Variants in INTS6 observed in about 807,000 individuals in gnomAD.
INTS6 encodes integrator complex subunit 6.
In INTS6, 16 loss-of-function variants were observed where a neutral mutation model predicts 104.9. The ratio of observed to expected loss-of-function variants is 0.15; its 90% CI spans 0.10 to 0.23. The LOEUF (loss-of-function observed/expected upper bound fraction) is 0.23, where lower values mean the gene tolerates loss of function less well. INTS6 is among the 10% of genes least tolerant of loss of function. The probability of loss-of-function intolerance (pLI) is 1.00; values close to 1 mark genes in which losing one functional copy is unlikely to be tolerated. For synonymous variants in INTS6, 324 were observed against 358.7 expected (o/e 0.90, Z 1.09); for missense variants, 584 against 1,062.8 (o/e 0.55, Z 6.26).
chr13:51,415,146 T>G (rs974263339), intron 4 of INTS6, among the ~76,000 whole-genome samples: 4 of 151,654 alleles, frequency 2.6e-5, no homozygotes, highest in African/African-American at 4.8e-5. Flanking sequence ...AAGGAAAGGA[T>G]GTACTAAATG....
At chr13:51,341,079 C>G in the INTS6 span, 5 of 1,611,706 alleles carry the variant, frequency 3.1e-6, no homozygotes, top group Non-Finnish European at 4.2e-6. Context: ...TTGCAGGAAC[C>G]CTCCCAGCCT....
Position 51,374,400 on chromosome 13 carries a change from G to A in INTS6, c.1912C>T (p.Pro638Ser). Residue 638 changes from proline to serine, a missense_variant, in exon 15 of 18, where the codon CCT becomes TCT. Coordinates refer to ENST00000311234, the MANE Select transcript of INTS6 (RefSeq NM_012141.3). ...CCGGGTCGTTTATGTTTATTTTGAG[G>A]TCCAGCCACAAATTCATCTGCTTCA... ...IDEADEFVAG[P>S]QNKHKRPGEP... 6.2e-7 allele frequency: 1 copy of A among 1,613,340 alleles called. No individual in the cohort carries two copies.
At chr13:51,448,590 G>C (rs1952970997) in intron 3 of INTS6, 1 of 152,108 alleles carries the variant, frequency 6.6e-6, no homozygotes. Context: ...ATGCAATATA[G>C]ATTTAATAGT....
intron 4 of INTS6, among the ~76,000 whole-genome samples, chr13:51,406,405 T>A (rs79210906): frequency 1.6e-5 from 2 of 122,316 alleles, no homozygotes; most frequent in East Asian, 5.0e-4. Flanking sequence ...CTCAGTAAAA[T>A]GGCATCATTT....
At chr13:51,419,173 C>CT (rs1055241410) in intron 4 of INTS6, among the ~76,000 whole-genome samples, 1 of 152,162 alleles carries the variant, frequency 6.6e-6, no homozygotes, top group Non-Finnish European at 1.5e-5. Context: ...ATCATGTCCT[C>CT]TTTTATGAGG....
chr13:51,349,807 C>A (rs770721266), downstream of INTS6, among the ~76,000 whole-genome samples: 1 of 152,176 alleles, frequency 6.6e-6, no homozygotes, highest in Non-Finnish European at 1.5e-5. Flanking sequence ...TAGCACTTAA[C>A]CTCATTCTGA....
At chr13:51,430,166 G>A in intron 4 of INTS6, 128 bp downstream of exon 4, 2 of 715,332 alleles carry the variant, frequency 2.8e-6, no homozygotes, top group Non-Finnish European at 4.7e-6. Flanking sequence ...TGGGCCATAG[G>A]AGACAGATGA....
rs1955650696 is a variant in INTS6, at chr13:51,364,614, A to G, written c.*1138T>C. 5.0e-6 allele frequency: 1 copy of G among 200,842 alleles called. No individual in the cohort carries two copies. The highest frequency in any genetic ancestry group is 2.3e-5 in the African/African-American group (1 of 43,344). 12.4% of individuals were successfully genotyped at this position (200,842 alleles called of 1,614,324 possible). ...AGGCCATGTTGAATTGAGGGTGGAG[A>G]ATGAATAGCGTGGTTTTCCTTATCC... On this transcript the variant is annotated 3_prime_UTR_variant, in exon 18 of 18. Transcript: ENST00000311234.
downstream of INTS6, chr13:51,361,282 A>G (rs1313675435): frequency 1.2e-6 from 2 of 1,607,000 alleles, no homozygotes; most frequent in Non-Finnish European, 8.5e-7. Context: ...GGTTAGGCCA[A>G]GATGGCTTTT....
At position 51,364,709 on chromosome 13, in the gene INTS6, A is replaced by G. The variant is rs1190085318; in HGVS notation, c.*1043T>C. ...GGTGTTTCCTTTCCATTTAGCTTATAAATAAAACAGAGTTTAAGTGTGAGA... is the reference window on the plus strand; with the variant it reads ...GGTGTTTCCTTTCCATTTAGCTTATGAATAAAACAGAGTTTAAGTGTGAGA... On this transcript the variant is annotated 3_prime_UTR_variant, in exon 18 of 18. Coordinates refer to ENST00000311234, the MANE Select transcript of INTS6 (RefSeq NM_012141.3). 1.3e-5 allele frequency: 2 copies of G among 154,502 alleles called. No individual in the cohort carries two copies. Among genetic ancestry groups the G allele is most frequent in the African/African-American group, 4.8e-5 (2 of 41,502 alleles). The allele number at this position is 154,502 out of a possible 1,614,324, so 9.6% of individuals were successfully genotyped here. A position where few individuals can be genotyped will look rare whatever the true frequency, so the allele number is the denominator to read the frequency against.
intron 7 of INTS6, among the ~76,000 whole-genome samples, chr13:51,385,481 G>T (rs1457284770): frequency 6.6e-6 from 1 of 152,196 alleles, no homozygotes. Flanking sequence ...GAGGGAAAGT[G>T]GAGGGAAAGA....
intron 4 of INTS6, chr13:51,402,880 A>T (rs1363763229): frequency 6.6e-6 from 1 of 152,090 alleles, no homozygotes; most frequent in Non-Finnish European, 1.5e-5. Context: ...ATAAAAGTGC[A>T]ATTTCCTCTT....
chr13:51,410,474 T>G (rs148349169), intron 4 of INTS6, among the ~76,000 whole-genome samples: 119 of 152,060 alleles, frequency 7.8e-4, no homozygotes, highest in African/African-American at 2.8e-3. Context: ...AATGATAATC[T>G]CTCCAATAAA....
At chr13:51,442,385 C>T (rs1219360430) in intron 3 of INTS6, 6 of 152,328 alleles carry the variant, frequency 3.9e-5, no homozygotes, top group Non-Finnish European at 5.9e-5. Flanking sequence ...GATCCACCCA[C>T]CTCAGCCTCC....
At chr13:51,404,934 G>T (rs1219347889) in intron 4 of INTS6, among the ~76,000 whole-genome samples, 1 of 122,300 alleles carries the variant, frequency 8.2e-6, no homozygotes, top group Non-Finnish European at 1.7e-5. Flanking sequence ...ATTACACATT[G>T]TAATCTTCTA....
intron 3 of INTS6, among the ~76,000 whole-genome samples, chr13:51,431,679 A>C (rs578135935): frequency 1.3e-5 from 2 of 152,268 alleles, no homozygotes; most frequent in African/African-American, 2.4e-5. Flanking sequence ...TCTTGATCAA[A>C]TCATTCAACT....
intron 4 of INTS6, among the ~76,000 whole-genome samples, chr13:51,397,312 G>GT (rs1283614791): frequency 6.6e-6 from 1 of 151,906 alleles, no homozygotes; most frequent in Non-Finnish European, 1.5e-5. Flanking sequence ...ATGTTATACT[G>GT]GCACCTCTCT....
At chr13:51,376,545 G>C (rs1210818218) in intron 12 of INTS6, among the ~76,000 whole-genome samples, 3 of 152,044 alleles carry the variant, frequency 2.0e-5, no homozygotes, top group South Asian at 2.1e-4. Flanking sequence ...TAAGTATATA[G>C]TTTGATGAAT....
chr13:51,346,511 T>C, the INTS6 span, among the ~76,000 whole-genome samples: 46 of 152,144 alleles, frequency 3.0e-4, no homozygotes, highest in African/African-American at 1.1e-3. Flanking sequence ...TAAACACATA[T>C]CAATTTGCAA....
Sources: allele counts gnomAD v4.1 joint callset (sites outside exome capture counted in the v4.1 genomes callset), GRCh38; gene constraint gnomAD v4.1.1; transcripts MANE v1.5; gene names NCBI Gene and HGNC (gene_info 2026-07-23, HGNC 2026-07-21).